Variants in KCNQ3 observed in about 807,000 individuals in gnomAD.
The protein encoded by KCNQ3 is potassium voltage-gated channel subfamily KQT member 3.
A neutral mutation model predicts 92.5 loss-of-function variants in KCNQ3; 30 were observed. The ratio of observed to expected loss-of-function variants is 0.32; its 90% CI spans 0.24 to 0.44. The LOEUF (loss-of-function observed/expected upper bound fraction) is 0.44. Among genes scored for constraint, KCNQ3 ranks in the 20% least tolerant of loss-of-function variants. KCNQ3 has a pLI of 1.00. For missense variants in KCNQ3, 913 were observed against 1,140.3 expected (o/e 0.80, Z 2.87); for synonymous variants, 450 against 468.8 (o/e 0.96, Z 0.52).
intron 1 of KCNQ3, among the ~76,000 whole-genome samples, chr8:132,231,242 T>C (rs1404681944): frequency 6.6e-6 from 1 of 152,242 alleles, no homozygotes; most frequent in Non-Finnish European, 1.5e-5. Flanking sequence ...GGCTGTGATA[T>C]AATAACTGTC....
chr8:132,387,337 G>T (rs541045375), intron 1 of KCNQ3, among the ~76,000 whole-genome samples: 2 of 152,240 alleles, frequency 1.3e-5, no homozygotes, highest in South Asian at 4.1e-4. Context: ...ATATCTAACT[G>T]GTAATTAATC....
chr8:132,133,398 C>T (rs1332214856), intron 13 of KCNQ3, among the ~76,000 whole-genome samples: 2 of 126,342 alleles, frequency 1.6e-5, no homozygotes, highest in Non-Finnish European at 3.3e-5. Context: ...ACTCTTTTGC[C>T]AGGCTGGAAT....
chr8:132,407,879 G>A (rs976342131), intron 1 of KCNQ3, among the ~76,000 whole-genome samples: 3 of 152,142 alleles, frequency 2.0e-5, no homozygotes, highest in African/African-American at 7.2e-5. Flanking sequence ...CACATCCTGG[G>A]GAACTCCGAG....
At chr8:132,294,566 T>C (rs1050926005) in intron 1 of KCNQ3, among the ~76,000 whole-genome samples, 2 of 152,230 alleles carry the variant, frequency 1.3e-5, no homozygotes, top group Non-Finnish European at 2.9e-5. Context: ...AGATTTACTT[T>C]CTTTACCCAG....
At chr8:132,194,330 G>A (rs73356943) in intron 1 of KCNQ3, among the ~76,000 whole-genome samples, 2,161 of 152,310 alleles carry the variant, frequency 0.014, 44 homozygotes, top group African/African-American at 0.048. Flanking sequence ...CTCAAACTGC[G>A]TGAGGATCCT....
intron 1 of KCNQ3, among the ~76,000 whole-genome samples, chr8:132,270,702 T>C (rs1174035446): frequency 6.6e-6 from 1 of 152,248 alleles, no homozygotes; most frequent in Non-Finnish European, 1.5e-5. Flanking sequence ...CTACAATATG[T>C]ATTTTTACAG....
At chr8:132,141,972 C>G (rs964507965) in intron 9 of KCNQ3, among the ~76,000 whole-genome samples, 2 of 152,208 alleles carry the variant, frequency 1.3e-5, no homozygotes, top group Non-Finnish European at 2.9e-5. Flanking sequence ...CTTGCCACAA[C>G]AGAAATCACA....
intron 1 of KCNQ3, among the ~76,000 whole-genome samples, chr8:132,205,047 G>T (rs919963681): frequency 6.6e-6 from 1 of 152,288 alleles, no homozygotes; most frequent in South Asian, 2.1e-4. Context: ...ATACAAAAAT[G>T]CCTGAGCTTC....
intron 9 of KCNQ3, among the ~76,000 whole-genome samples, chr8:132,157,355 G>A (rs1825830631): frequency 2.0e-5 from 3 of 152,210 alleles, no homozygotes; most frequent in Admixed American, 2.0e-4. Flanking sequence ...ACTTTCAGAA[G>A]AATTTGGAAG....
At chr8:132,174,189 A>G (rs947289237) in intron 6 of KCNQ3, 50 bp downstream of exon 6, 2 of 1,316,174 alleles carry the variant, frequency 1.5e-6, no homozygotes, top group Non-Finnish European at 2.1e-6. Context: ...ACCAGGCGGT[A>G]AGGGGTCCTG....
chr8:132,267,995 G>C (rs1035309826), intron 1 of KCNQ3, among the ~76,000 whole-genome samples: 2 of 152,030 alleles, frequency 1.3e-5, no homozygotes, highest in African/African-American at 2.4e-5. Context: ...TGCATTCCAC[G>C]GGCTTTGGCA....
chr8:132,337,383 G>C (rs1818394426), intron 1 of KCNQ3, among the ~76,000 whole-genome samples: 1 of 152,120 alleles, frequency 6.6e-6, no homozygotes, highest in African/African-American at 2.4e-5. Context: ...TGTAGTGCCA[G>C]CTACTCAGGG....
chr8:132,335,485 G>A (rs1818344181), intron 1 of KCNQ3, among the ~76,000 whole-genome samples: 1 of 152,088 alleles, frequency 6.6e-6, no homozygotes, highest in Non-Finnish European at 1.5e-5. Context: ...CTGGTGACAG[G>A]CCAAAGAGTG....
At chr8:132,470,639 A>G (rs916641750) in intron 1 of KCNQ3, among the ~76,000 whole-genome samples, 1 of 152,260 alleles carries the variant, frequency 6.6e-6, no homozygotes, top group African/African-American at 2.4e-5. Context: ...TTTTGATACA[A>G]TAATGTTATC....
At chr8:132,460,285 A>G (rs758129792) in intron 1 of KCNQ3, among the ~76,000 whole-genome samples, 3 of 152,216 alleles carry the variant, frequency 2.0e-5, no homozygotes, top group Non-Finnish European at 4.4e-5. Context: ...ATATGTGTGT[A>G]TATAGCCCAT....
At chr8:132,292,181 G>A (rs1033572522) in intron 1 of KCNQ3, among the ~76,000 whole-genome samples, 1 of 152,200 alleles carries the variant, frequency 6.6e-6, no homozygotes, top group African/African-American at 2.4e-5. Context: ...GAGTCTCACT[G>A]GGGTGAAGAG....
At chr8:132,372,927 T>C (rs939334367) in intron 1 of KCNQ3, among the ~76,000 whole-genome samples, 15 of 152,170 alleles carry the variant, frequency 9.9e-5, no homozygotes, top group African/African-American at 2.9e-4. Flanking sequence ...AAGTTCCCTG[T>C]GAACGTTAGC....
intron 1 of KCNQ3, among the ~76,000 whole-genome samples, chr8:132,322,910 A>G (rs927261887): frequency 1.8e-4 from 28 of 152,206 alleles, no homozygotes; most frequent in African/African-American, 6.0e-4. Context: ...CATGCAGCCC[A>G]CAGAAAAGTG....
chr8:132,193,620 C>A (rs985358556), intron 1 of KCNQ3, among the ~76,000 whole-genome samples: 1 of 152,222 alleles, frequency 6.6e-6, no homozygotes, highest in African/African-American at 2.4e-5. Context: ...AGCCAAACAT[C>A]CCCTCACAGG....
Sources: allele counts gnomAD v4.1 joint callset (sites outside exome capture counted in the v4.1 genomes callset), GRCh38; gene constraint gnomAD v4.1.1; transcripts MANE v1.5; gene names NCBI Gene and HGNC (gene_info 2026-07-23, HGNC 2026-07-21).